CDH12: variants seen among roughly 807,000 people sequenced by gnomAD.
The protein encoded by CDH12 is cadherin 12.
A neutral mutation model predicts 74.1 loss-of-function variants in CDH12; 41 were observed. The ratio of observed to expected loss-of-function variants is 0.55; its 90% CI spans 0.43 to 0.72. CDH12 has a LOEUF of 0.72. Among genes scored for constraint, CDH12 ranks in the 30% least tolerant of loss-of-function variants. The probability of loss-of-function intolerance (pLI) is 0.00; values close to 1 mark genes in which losing one functional copy is unlikely to be tolerated. For synonymous variants in CDH12, 399 were observed against 355.0 expected, an observed-to-expected ratio of 1.12 and a Z score of -1.39; for missense variants, 945 against 977.2, an observed-to-expected ratio of 0.97 and a Z score of 0.44.
chr5:22,124,449 T>C (rs1229969591), intron 4 of CDH12, among the ~76,000 whole-genome samples: 10 of 152,112 alleles, frequency 6.6e-5, no homozygotes, highest in Non-Finnish European at 1.5e-4. Flanking sequence ...AAAACCAGCT[T>C]ACTTCCTGAG....
chr5:22,454,135 A>C (rs1219951772), intron 2 of CDH12, among the ~76,000 whole-genome samples: 1 of 152,134 alleles, frequency 6.6e-6, no homozygotes, highest in African/African-American at 2.4e-5. Context: ...CTTACTGTCC[A>C]TGGGGAAGGG....
intron 1 of CDH12, among the ~76,000 whole-genome samples, chr5:22,579,444 T>G (rs1349698598): frequency 1.3e-5 from 2 of 152,196 alleles, no homozygotes; most frequent in Non-Finnish European, 2.9e-5. Context: ...GTTCCCTCAC[T>G]AATGTGTATT....
intron 3 of CDH12, among the ~76,000 whole-genome samples, chr5:22,230,292 C>G (rs1413169188): frequency 6.6e-6 from 1 of 152,014 alleles, no homozygotes; most frequent in Non-Finnish European, 1.5e-5. Context: ...TTATTTATGA[C>G]TACTTTCCAG....
chr5:22,586,490 A>AATATATATAT (rs71609772), intron 1 of CDH12, among the ~76,000 whole-genome samples: 81 of 125,022 alleles, frequency 6.5e-4, no homozygotes, highest in African/African-American at 2.1e-3. Flanking sequence ...AGTATAATAA[A>AATATATATAT]ATATATATAT....
At chr5:21,810,534 C>A (rs1452314495) in intron 9 of CDH12, among the ~76,000 whole-genome samples, 1 of 151,970 alleles carries the variant, frequency 6.6e-6, no homozygotes, top group Non-Finnish European at 1.5e-5. Context: ...TTGTTGGGAG[C>A]AAAGAAAGAA....
At chr5:22,442,570 T>C (rs554345693) in intron 2 of CDH12, among the ~76,000 whole-genome samples, 2 of 152,330 alleles carry the variant, frequency 1.3e-5, no homozygotes, top group East Asian at 3.9e-4. Context: ...GCAACTTATA[T>C]TCATGTCACA....
At chr5:21,755,379 C>T (rs1422802829) in intron 14 of CDH12, among the ~76,000 whole-genome samples, 2 of 151,736 alleles carry the variant, frequency 1.3e-5, no homozygotes, top group Non-Finnish European at 2.9e-5. Context: ...TATTTATCCC[C>T]AATAATATAT....
At chr5:22,473,995 G>A (rs1237587133) in intron 2 of CDH12, among the ~76,000 whole-genome samples, 1 of 152,074 alleles carries the variant, frequency 6.6e-6, no homozygotes, top group Non-Finnish European at 1.5e-5. Context: ...ATTAAATGAT[G>A]AAACAATAGA....
intron 6 of CDH12, among the ~76,000 whole-genome samples, chr5:21,886,284 TG>T (rs973331763): frequency 2.6e-5 from 4 of 151,610 alleles, no homozygotes; most frequent in African/African-American, 4.9e-5. Context: ...AAATGAAGTA[TG>T]TTTTTTTTCA....
intron 4 of CDH12, among the ~76,000 whole-genome samples, chr5:22,095,513 G>T (rs891660627): frequency 1.3e-5 from 2 of 151,998 alleles, no homozygotes; most frequent in Non-Finnish European, 2.9e-5. Context: ...ACCCTTAGCG[G>T]CAAGTACTGC....
chr5:22,729,818 T>C (rs1744342256), intron 1 of CDH12, among the ~76,000 whole-genome samples: 1 of 151,920 alleles, frequency 6.6e-6, no homozygotes, highest in South Asian at 2.1e-4. Flanking sequence ...AGGTTTCCAC[T>C]GACTTCTATA....
intron 2 of CDH12, among the ~76,000 whole-genome samples, chr5:22,415,640 G>C (rs1465039774): frequency 6.6e-6 from 1 of 152,228 alleles, no homozygotes; most frequent in Non-Finnish European, 1.5e-5. Context: ...GGGCTGCCCT[G>C]CTGAGAGGCA....
intron 3 of CDH12, 49 bp downstream of exon 3, chr5:22,405,208 T>TA (rs374443456): frequency 1.1e-4 from 56 of 520,614 alleles, no homozygotes; most frequent in East Asian, 1.5e-4. Flanking sequence ...AAACTGTCTT[T>TA]AAAAAAAATA....
intron 3 of CDH12, among the ~76,000 whole-genome samples, chr5:22,404,056 TGTA>T (rs1456204869): frequency 2.0e-5 from 3 of 152,162 alleles, no homozygotes; most frequent in African/African-American, 7.2e-5. Flanking sequence ...AAGGAGCAAT[TGTA>T]GTATTCTTCA....
chr5:22,244,800 G>GAAAGAAAGAAAGAAAGAAAGAA (rs1554023741), intron 3 of CDH12, among the ~76,000 whole-genome samples: 2 of 76,906 alleles, frequency 2.6e-5, no homozygotes, highest in African/African-American at 3.6e-5. Context: ...AAGAAAGAAA[G>GAAAGAAAGAAAGAAAGAAAGAA]AAAAATTCAA....
intron 5 of CDH12, among the ~76,000 whole-genome samples, chr5:22,068,413 G>T (rs1741713445): frequency 6.6e-6 from 1 of 152,160 alleles, no homozygotes; most frequent in Non-Finnish European, 1.5e-5. Context: ...AGTATTATAG[G>T]CTCTCTGGGA....
intron 10 of CDH12, among the ~76,000 whole-genome samples, chr5:21,797,212 TGAA>T (rs1351747018): frequency 2.0e-5 from 3 of 151,238 alleles, no homozygotes; most frequent in Non-Finnish European, 2.9e-5. Flanking sequence ...ATGATGATGA[TGAA>T]GATGATGAAG....
intron 1 of CDH12, among the ~76,000 whole-genome samples, chr5:22,509,684 CCAT>C (rs1736522887): frequency 6.6e-6 from 1 of 151,936 alleles, no homozygotes; most frequent in Non-Finnish European, 1.5e-5. Flanking sequence ...ATGAGTAGTC[CCAT>C]CATGGAATGG....
intron 6 of CDH12, among the ~76,000 whole-genome samples, chr5:21,918,755 A>G (rs6452031): frequency 0.96 from 145,676 of 152,170 alleles, 69,923 homozygotes; most frequent in East Asian, 1. Context: ...AGTTTTGGGC[A>G]GGAACACAGA....
Sources: gnomAD v4.1 joint callset for allele counts (sites outside exome capture counted in the v4.1 genomes callset) on GRCh38, gnomAD v4.1.1 for gene constraint, MANE v1.5 for transcripts, NCBI Gene and HGNC (gene_info 2026-07-23, HGNC 2026-07-21) for gene names.